NCOR1: variants seen among roughly 807,000 people sequenced by gnomAD.
The protein encoded by NCOR1 is nuclear receptor corepressor 1, also known as protein phosphatase 1, regulatory subunit 109.
In NCOR1, 63 loss-of-function variants were observed where a neutral mutation model predicts 288.1. The observed-to-expected ratio is 0.22, with a 90% CI of 0.18 to 0.27. The LOEUF (loss-of-function observed/expected upper bound fraction) is 0.27. Among genes scored for constraint, NCOR1 ranks in the 10% least tolerant of loss-of-function variants. NCOR1 has a pLI of 1.00. For missense variants in NCOR1, 2,397 were observed against 3,019.2 expected (o/e 0.79, Z 4.83); for synonymous variants, 1,007 against 1,065.9 (o/e 0.94, Z 1.08).
intron 22 of NCOR1, among the ~76,000 whole-genome samples, chr17:16,089,523 C>A (rs149999734): frequency 4.8e-3 from 737 of 152,014 alleles, no homozygotes; most frequent in Non-Finnish European, 8.3e-3. Flanking sequence ...ATTATTTATA[C>A]CATTCACATT....
intron 28 of NCOR1, among the ~76,000 whole-genome samples, chr17:16,072,460 A>T (rs1453504842): frequency 6.6e-6 from 1 of 152,262 alleles, no homozygotes; most frequent in East Asian, 1.9e-4. Context: ...AAGGTTGAAA[A>T]GGAAAGATAC....
intron 38 of NCOR1, 162 bp from the exon 39 acceptor site, chr17:16,058,226 A>G (rs2060152008): frequency 1.9e-5 from 18 of 938,322 alleles, no homozygotes; most frequent in Non-Finnish European, 2.7e-5. Flanking sequence ...TATTCACTGA[A>G]GAAGTCTGAG....
chr17:16,077,600 GGAAAA>G, intron 26 of NCOR1, among the ~76,000 whole-genome samples: 1 of 127,438 alleles, frequency 7.8e-6, no homozygotes, highest in Non-Finnish European at 1.7e-5. Flanking sequence ...GAGAAGGGAG[GGAAAA>G]GAAAAGGAAG....
intron 1 of NCOR1, among the ~76,000 whole-genome samples, chr17:16,201,944 CG>C (rs2090866844): frequency 1.3e-5 from 2 of 151,836 alleles, no homozygotes. Flanking sequence ...ACAAAAAATA[CG>C]GCTGGGCGCG....
At chr17:16,098,259 T>C in intron 21 of NCOR1, 108 bp downstream of exon 21, 4 of 1,090,554 alleles carry the variant, frequency 3.7e-6, no homozygotes, top group Non-Finnish European at 5.4e-6. Context: ...ATGTTATGTT[T>C]TGTACCACTA....
At chr17:16,180,800 A>G (rs2085247120) in intron 3 of NCOR1, among the ~76,000 whole-genome samples, 1 of 152,174 alleles carries the variant, frequency 6.6e-6, no homozygotes, top group African/African-American at 2.4e-5. Context: ...TATTCATGGC[A>G]GCATCATTCA....
At chr17:16,048,637 A>T (rs563556489) in intron 41 of NCOR1, among the ~76,000 whole-genome samples, 47 of 152,330 alleles carry the variant, frequency 3.1e-4, no homozygotes, top group African/African-American at 1.1e-3. Flanking sequence ...ATATTTTCTA[A>T]CCTATTTAAA....
chr17:16,136,043 C>T (rs750180622), intron 14 of NCOR1, among the ~76,000 whole-genome samples: 4 of 152,346 alleles, frequency 2.6e-5, no homozygotes, highest in South Asian at 4.1e-4. Context: ...AGTAGCGCAG[C>T]AGTCTCTCTG....
intron 2 of NCOR1, among the ~76,000 whole-genome samples, chr17:16,193,636 C>T (rs1296310127): frequency 1.3e-5 from 2 of 152,134 alleles, no homozygotes; most frequent in South Asian, 4.1e-4. Context: ...AACACCCAAT[C>T]ATGACAGAAA....
In NCOR1 at chr17:16,029,898, T is replaced by C. The variant is rs144790499; in HGVS notation, c.*2398A>G. The C allele has an allele frequency of 6.5e-6, 1 of 153,858 alleles. No individual in the cohort carries two copies. The highest frequency in any genetic ancestry group is 2.4e-5 in the African/African-American group (1 of 41,588). 9.5% of individuals were successfully genotyped at this position (153,858 alleles called of 1,614,324 possible). A position where few individuals can be genotyped will look rare whatever the true frequency, so the allele number is the denominator to read the frequency against. On this transcript the variant is annotated 3_prime_UTR_variant, in exon 46 of 46. Transcript: ENST00000268712. The stretch of plus-strand genomic sequence containing the variant: ...AGCACCTCACCTTCGGGTCCTCAGG[T>C]AGAACTGCAAGAGTAAGAAGTTAGG...
intron 1 of NCOR1, among the ~76,000 whole-genome samples, chr17:16,209,598 A>G (rs547163773): frequency 2.0e-5 from 3 of 151,206 alleles, no homozygotes; most frequent in South Asian, 4.2e-4. Flanking sequence ...TAGCATGAAT[A>G]CATACAGAAA....
In NCOR1 at chr17:16,047,082, C is replaced by T. The variant is rs201721277; in HGVS notation, c.6548G>A (p.Arg2183His). 2.4e-4 allele frequency: 393 copies of T among 1,611,450 alleles called. No homozygotes were observed. Among genetic ancestry groups the T allele is most frequent in the Admixed American group, 3.4e-4 (20 of 59,640 alleles). Residue 2183 changes from arginine (R) to histidine (H), a missense_variant, in exon 42 of 46, where the codon CGC (arginine) becomes CAC (histidine). By Grantham distance (29) the Arg-to-His change is conservative. Coordinates refer to ENST00000268712, the MANE Select transcript of NCOR1 (RefSeq NM_006311.4). ...AEPAEQRNDA[R>H]SPGSISYLPS... is the part of the protein sequence containing the mutation. ...CAAGTAGCTTATACTCCCTGGTGAG[C>T]GGGCATCATTCCTGTTAGGGCCAAA...
intron 3 of NCOR1, among the ~76,000 whole-genome samples, chr17:16,185,513 A>G (rs2086465322): frequency 6.6e-6 from 1 of 151,704 alleles, no homozygotes; most frequent in Admixed American, 6.6e-5. Flanking sequence ...GCAAAACCCC[A>G]TCTCTACTAA....
chr17:16,048,089 C>T (rs563807974), intron 41 of NCOR1, among the ~76,000 whole-genome samples: 2 of 152,322 alleles, frequency 1.3e-5, no homozygotes, highest in Admixed American at 6.5e-5. Flanking sequence ...GAAAGGCCTT[C>T]GTTTAAAACT....
chr17:16,074,992 C>T (rs879605158), intron 27 of NCOR1, among the ~76,000 whole-genome samples: 1 of 152,064 alleles, frequency 6.6e-6, no homozygotes, highest in African/African-American at 2.4e-5. Flanking sequence ...CTCAGCCTCC[C>T]GAGTAGCTGG....
chr17:16,068,783 G>A (rs1340279715), intron 31 of NCOR1, among the ~76,000 whole-genome samples: 1 of 141,772 alleles, frequency 7.1e-6, no homozygotes, highest in Non-Finnish European at 1.5e-5. Context: ...GCGTGATCTT[G>A]GCTCACTGCA....
At chr17:16,040,261 A>C in intron 43 of NCOR1, 180 bp downstream of exon 43, 1 of 692,314 alleles carries the variant, frequency 1.4e-6, no homozygotes, top group South Asian at 1.5e-5. Context: ...ATAGGTATTT[A>C]CTGGATCTCA....
chr17:16,163,043 C>T (rs1394429811), intron 5 of NCOR1, among the ~76,000 whole-genome samples: 1 of 151,966 alleles, frequency 6.6e-6, no homozygotes, highest in African/African-American at 2.4e-5. Context: ...GGATCAAAGA[C>T]TCAAATATAA....
rs183625954 is a variant in NCOR1, at chr17:16,039,049, G to A, written c.6955+384C>T. Among the ~76,000 whole-genome samples, 444 of 152,328 alleles carry A rather than the reference G, an allele frequency of 2.9e-3. 2 individuals are homozygous for A. Among genetic ancestry groups the A allele is most frequent in the African/African-American group, 0.01 (421 of 41,574 alleles). On this transcript the variant is annotated intron_variant, in intron 44 of 45. Transcript: ENST00000268712. Reference sequence around the variant, plus strand: ...CCCCCAAAGTGCTGGGATTACAGGCGTGAACCACCGCACCCGGCTGGCTTA... The same window carrying A: ...CCCCCAAAGTGCTGGGATTACAGGCATGAACCACCGCACCCGGCTGGCTTA...
Sources: allele counts gnomAD v4.1 joint callset (sites outside exome capture counted in the v4.1 genomes callset), GRCh38; gene constraint gnomAD v4.1.1; transcripts MANE v1.5; gene names NCBI Gene and HGNC (gene_info 2026-07-23, HGNC 2026-07-21).